The following PCSK5 variants were observed in gnomAD, a reference collection of about 807,000 sequenced individuals.
PCSK5 encodes proprotein convertase subtilisin/kexin type 5.
PCSK5 carries 129 observed loss-of-function variants against 233.2 expected under a neutral mutation model. The ratio of observed to expected loss-of-function variants is 0.55; its 90% CI spans 0.48 to 0.64. The LOEUF is 0.64. Among genes scored for constraint, PCSK5 ranks in the 30% least tolerant of loss-of-function variants. PCSK5 has a pLI of 0.00. For missense variants in PCSK5, 2,076 were observed against 2,430.1 expected (o/e 0.85, Z 3.06); for synonymous variants, 825 against 879.2 (o/e 0.94, Z 1.09).
At chr9:75,989,730 T>G (rs900338204) in intron 3 of PCSK5, among the ~76,000 whole-genome samples, 75 of 152,282 alleles carry the variant, frequency 4.9e-4, no homozygotes, top group African/African-American at 1.6e-3. Flanking sequence ...GACGTGGTGC[T>G]GGCTTCCCAA....
chr9:76,110,114 C>CA (rs1832150340), intron 9 of PCSK5, among the ~76,000 whole-genome samples: 1 of 152,026 alleles, frequency 6.6e-6, no homozygotes, highest in Admixed American at 6.6e-5. Flanking sequence ...TTTACTAACA[C>CA]AAGTTGAGGA....
intron 5 of PCSK5, among the ~76,000 whole-genome samples, chr9:76,062,748 A>G (rs1342163151): frequency 6.6e-6 from 1 of 152,242 alleles, no homozygotes; most frequent in Admixed American, 6.5e-5. Flanking sequence ...ATGATCAAAT[A>G]AGGGTAACTA....
intron 23 of PCSK5, 82 bp from the exon 24 acceptor site, chr9:76,240,534 C>A (rs1826397447): frequency 1.1e-6 from 1 of 949,050 alleles, no homozygotes; most frequent in Non-Finnish European, 1.7e-6. Context: ...AAATAAGCTA[C>A]ACACGAACAT....
In PCSK5 at chr9:76,255,705, C is replaced by T. The variant is rs118146256; in HGVS notation, c.3142+15021C>T. Among the ~76,000 whole-genome samples, 60 of 152,148 alleles carry T rather than the reference C, an allele frequency of 3.9e-4. No homozygotes were observed. In the East Asian group the frequency reaches 0.011, roughly 27 times the overall value. On this transcript the variant is annotated intron_variant, in intron 24 of 37. Coordinates refer to ENST00000674117, the MANE Select transcript of PCSK5 (RefSeq NM_001372043.1). ...TTTAAGTTAGCCTGGTGCGGTTACA[C>T]GCACCCATAGTCCCAGCTACTTAGA...
intron 31 of PCSK5, among the ~76,000 whole-genome samples, chr9:76,321,866 C>T (rs1365432200): frequency 6.6e-6 from 1 of 152,168 alleles, no homozygotes; most frequent in Admixed American, 6.5e-5. Flanking sequence ...TGATCTCTTA[C>T]ACTCACCCCC....
chr9:76,079,211 C>G (rs1830746684), intron 7 of PCSK5, among the ~76,000 whole-genome samples: 1 of 151,732 alleles, frequency 6.6e-6, no homozygotes, highest in Admixed American at 6.6e-5. Context: ...TCAAATGATT[C>G]TCCTGCCTCA....
At chr9:76,296,604 AG>A (rs1475535800) in intron 26 of PCSK5, 60 bp from the exon 27 acceptor site, 3 of 1,108,570 alleles carry the variant, frequency 2.7e-6, no homozygotes, top group African/African-American at 3.1e-5. Flanking sequence ...CAGCCTCTTT[AG>A]AACTTGGCCT....
At chr9:76,248,161 C>T (rs1826680739) in intron 24 of PCSK5, among the ~76,000 whole-genome samples, 2 of 152,100 alleles carry the variant, frequency 1.3e-5, no homozygotes, top group African/African-American at 4.8e-5. Context: ...AACTCCTGGC[C>T]TCAAGCAATC....
chr9:76,012,607 G>T (rs1326545186), intron 3 of PCSK5, among the ~76,000 whole-genome samples: 1 of 152,168 alleles, frequency 6.6e-6, no homozygotes, highest in Non-Finnish European at 1.5e-5. Context: ...TTTCTAAGCA[G>T]CGCACCTTTA....
At chr9:76,115,487 G>T (rs1013564957) in intron 9 of PCSK5, among the ~76,000 whole-genome samples, 1 of 152,090 alleles carries the variant, frequency 6.6e-6, no homozygotes, top group Admixed American at 6.6e-5. Flanking sequence ...AAACTCCACT[G>T]ATGTATATTA....
rs138257548 is a variant in PCSK5, at chr9:76,159,009, G to A, written c.1457G>A (p.Arg486His). Residue 486 changes from arginine to histidine, a missense_variant, in exon 12 of 38, where the codon CGC becomes CAC. By Grantham distance (29) the Arg-to-His change is conservative. This residue lies in a region of PCSK5 where 64 missense variants were observed against 68.6 expected (regional missense o/e 0.93). Coordinates refer to ENST00000674117, the MANE Select transcript of PCSK5 (RefSeq NM_001372043.1). Reference sequence around the variant, plus strand: ...ACAATCCGCCCTAACAGTGCAGTGCGCTCCATCTACAAAGCTTCAGGCTGC... The same window carrying A: ...ACAATCCGCCCTAACAGTGCAGTGCACTCCATCTACAAAGCTTCAGGCTGC... Reference protein sequence around the residue: ...IKTIRPNSAVRSIYKASGCSD... With the variant: ...IKTIRPNSAVHSIYKASGCSD... 6.1e-4 allele frequency: 978 copies of A among 1,614,024 alleles called. 7 individuals carry two copies. The African/African-American group carries it at 0.011, about 19-fold the overall frequency.
chr9:76,284,594 G>A (rs1161455258), intron 24 of PCSK5, among the ~76,000 whole-genome samples: 4 of 146,646 alleles, frequency 2.7e-5, no homozygotes, highest in South Asian at 2.2e-4. Flanking sequence ...GTGCAATGGC[G>A]CGATCTCAGC....
At chr9:76,189,587 G>A (rs1824267266) in intron 19 of PCSK5, 44 bp from the exon 20 acceptor site, 1 of 1,166,444 alleles carries the variant, frequency 8.6e-7, no homozygotes, top group Non-Finnish European at 1.3e-6. Flanking sequence ...ACCTTCCCCT[G>A]TGCATGTGTG....
At chr9:76,032,145 A>G (rs775269378) in intron 5 of PCSK5, among the ~76,000 whole-genome samples, 8 of 152,222 alleles carry the variant, frequency 5.3e-5, no homozygotes, top group Non-Finnish European at 1.2e-4. Flanking sequence ...TGTAATTATC[A>G]TCAGAATAAG....
At chr9:76,067,531 AC>A (rs1313001121) in intron 5 of PCSK5, among the ~76,000 whole-genome samples, 1 of 152,182 alleles carries the variant, frequency 6.6e-6, no homozygotes, top group African/African-American at 2.4e-5. Context: ...AGATTCTCAT[AC>A]CCATCTTAAG....
chr9:76,188,382 G>A (rs916702694), intron 17 of PCSK5, among the ~76,000 whole-genome samples, 196 bp from the exon 18 acceptor site: 1 of 152,130 alleles, frequency 6.6e-6, no homozygotes, highest in Non-Finnish European at 1.5e-5. Context: ...AGATATCATT[G>A]TAGGCACAGA....
chr9:76,338,139 T>C, intron 34 of PCSK5, 91 bp from the exon 35 acceptor site: 3 of 855,584 alleles, frequency 3.5e-6, no homozygotes, highest in Non-Finnish European at 5.7e-6. Flanking sequence ...TCACTCAGCT[T>C]GTAAATGAAA....
intron 7 of PCSK5, among the ~76,000 whole-genome samples, chr9:76,082,599 G>T (rs1830887116): frequency 6.6e-6 from 1 of 151,926 alleles, no homozygotes. Context: ...TGAAGTGCAA[G>T]CGAGCTCCGA....
chr9:76,010,408 G>C lies in PCSK5; in HGVS notation c.412-13330G>C, dbSNP rs182235962. 3.2e-3 allele frequency among the ~76,000 whole-genome samples: 480 copies of C among 152,236 alleles called. 3 individuals carry two copies. The highest frequency in any genetic ancestry group is 3.7e-3 in the Non-Finnish European group (250 of 68,016). On this transcript the variant is annotated intron_variant, in intron 3 of 37. Coordinates refer to ENST00000674117, the MANE Select transcript of PCSK5 (RefSeq NM_001372043.1). ...TATAGGTTAAACACATCCTTTTAAA[G>C]GAAGTTCTGTTTTTTGTTTGTCTTA...
Sources: allele counts gnomAD v4.1 joint callset (sites outside exome capture counted in the v4.1 genomes callset), GRCh38; gene constraint gnomAD v4.1.1; regional missense constraint gnomAD v4.1.1; transcripts MANE v1.5; gene names NCBI Gene and HGNC (gene_info 2026-07-23, HGNC 2026-07-21).